Variants in ADAM20 observed in about 807,000 individuals in gnomAD.
ADAM20 encodes ADAM metallopeptidase domain 20.
For synonymous variants in ADAM20, 305 were observed against 310.2 expected (o/e 0.98, Z 0.18); for missense variants, 871 against 883.2 (o/e 0.99, Z 0.18).
At chr14:70,557,571 T>C in the ADAM20 span, 4 of 152,192 alleles carry the variant, frequency 2.6e-5, no homozygotes, top group East Asian at 1.9e-4. Context: ...AAATAGGAAA[T>C]AGAAGTATTA....
At chr14:70,569,790 T>C in the ADAM20 span, among the ~76,000 whole-genome samples, 1 of 144,466 alleles carries the variant, frequency 6.9e-6, no homozygotes, top group African/African-American at 2.6e-5. Context: ...AAACAAATAC[T>C]AGTAGACTTC....
rs1311821050 is a variant in ADAM20, at chr14:70,522,405, G to C, written c.*172C>G. On this transcript the variant is annotated 3_prime_UTR_variant, in exon 2 of 2. Coordinates refer to ENST00000256389, the MANE Select transcript of ADAM20 (RefSeq NM_003814.5). ...TATTGCTTAAGACACTGTAGAGTAAGTAAGAATAGGCTAGGAATCCTTTGC... is the reference window on the plus strand; with the variant it reads ...TATTGCTTAAGACACTGTAGAGTAACTAAGAATAGGCTAGGAATCCTTTGC... 1.5e-6 allele frequency: 1 copy of C among 686,322 alleles called. No homozygotes were observed. The highest frequency in any genetic ancestry group is 2.4e-6 in the Non-Finnish European group (1 of 422,862). The allele number at this position is 686,322 out of a possible 1,614,324, so 42.5% of individuals were successfully genotyped here.
At chr14:70,562,078 C>T in the ADAM20 span, among the ~76,000 whole-genome samples, 11 of 152,224 alleles carry the variant, frequency 7.2e-5, no homozygotes, top group East Asian at 1.9e-4. Flanking sequence ...AAGACAGAGG[C>T]GCCCAATGCC....
At chr14:70,567,826 G>A in the ADAM20 span, among the ~76,000 whole-genome samples, 1 of 152,134 alleles carries the variant, frequency 6.6e-6, no homozygotes, top group African/African-American at 2.4e-5. Context: ...TATGAACTAA[G>A]GTCGTGAGCT....
chr14:70,567,315 C>T, the ADAM20 span, among the ~76,000 whole-genome samples: 1,410 of 152,312 alleles, frequency 9.3e-3, 25 homozygotes, highest in African/African-American at 0.032. Flanking sequence ...GCACAGGAGA[C>T]TGATGGGCCC....
At chr14:70,548,884 A>G in the ADAM20 span, among the ~76,000 whole-genome samples, 1 of 112,346 alleles carries the variant, frequency 8.9e-6, no homozygotes, top group African/African-American at 3.6e-5. Context: ...GAAGGAAAAA[A>G]TGTTAAGGGC....
the ADAM20 span, among the ~76,000 whole-genome samples, chr14:70,565,687 C>T: frequency 6.6e-6 from 1 of 151,956 alleles, no homozygotes; most frequent in Non-Finnish European, 1.5e-5. Flanking sequence ...AACAATCTAA[C>T]AATTAAAAAT....
the ADAM20 span, chr14:70,547,475 G>C: frequency 7.3e-6 from 1 of 137,572 alleles, no homozygotes; most frequent in Admixed American, 7.3e-5. Flanking sequence ...AGCAGGGCGA[G>C]GCATTGCCTC....
At chr14:70,570,831 C>T in the ADAM20 span, among the ~76,000 whole-genome samples, 1 of 152,126 alleles carries the variant, frequency 6.6e-6, no homozygotes, top group African/African-American at 2.4e-5. Flanking sequence ...GGTCAATATA[C>T]TTTCTGAACA....
chr14:70,573,508 T>C, the ADAM20 span, among the ~76,000 whole-genome samples: 1 of 152,082 alleles, frequency 6.6e-6, no homozygotes, highest in Admixed American at 6.6e-5. Context: ...ATGGGTTCAT[T>C]AGAAGCCCAA....
the ADAM20 span, among the ~76,000 whole-genome samples, chr14:70,569,975 C>T: frequency 1.6e-4 from 24 of 149,864 alleles, no homozygotes; most frequent in East Asian, 4.8e-3. Context: ...ACAGAATATT[C>T]CACCCAAGAA....
At chr14:70,556,498 TAC>T in the ADAM20 span, 4 of 152,194 alleles carry the variant, frequency 2.6e-5, no homozygotes, top group Non-Finnish European at 5.9e-5. Context: ...GATGCACAGA[TAC>T]AGATAACCAA....
At chr14:70,564,736 ATTTTTTT>A in the ADAM20 span, among the ~76,000 whole-genome samples, 3 of 91,870 alleles carry the variant, frequency 3.3e-5, no homozygotes, top group African/African-American at 1.2e-4. Flanking sequence ...GATAGACGCA[ATTTTTTT>A]TTTTTTTTTT....
upstream of ADAM20, among the ~76,000 whole-genome samples, chr14:70,537,714 T>C (rs1293355846): frequency 6.6e-6 from 1 of 152,150 alleles, no homozygotes; most frequent in African/African-American, 2.4e-5. Flanking sequence ...CCTCATCCTC[T>C]CCACTGGGCT....
the ADAM20 span, among the ~76,000 whole-genome samples, chr14:70,546,912 G>C: frequency 6.6e-6 from 1 of 152,056 alleles, no homozygotes; most frequent in Non-Finnish European, 1.5e-5. Context: ...ACAACAAAAA[G>C]CTGGTTTTTT....
At chr14:70,560,058 T>C in the ADAM20 span, among the ~76,000 whole-genome samples, 3 of 152,192 alleles carry the variant, frequency 2.0e-5, no homozygotes, top group South Asian at 2.1e-4. Flanking sequence ...TCTCAAAATA[T>C]GTTTTCATCC....
intron 1 of ADAM20, among the ~76,000 whole-genome samples, chr14:70,528,199 C>T (rs996062638): frequency 2.2e-4 from 34 of 152,058 alleles, no homozygotes; most frequent in African/African-American, 8.2e-4. Flanking sequence ...TTATGTTAAA[C>T]CTGCATAAAA....
the ADAM20 span, among the ~76,000 whole-genome samples, chr14:70,558,202 T>C: frequency 1.3e-5 from 2 of 152,058 alleles, no homozygotes; most frequent in Non-Finnish European, 2.9e-5. Context: ...GATAACAAAA[T>C]AGCCATAAAG....
the ADAM20 span, among the ~76,000 whole-genome samples, chr14:70,563,573 G>GTAAT: frequency 6.6e-6 from 1 of 152,316 alleles, no homozygotes; most frequent in Admixed American, 6.5e-5. Flanking sequence ...ATGTTGAAAT[G>GTAAT]TAATCCCCAG....
Sources: gnomAD v4.1 joint callset for allele counts (sites outside exome capture counted in the v4.1 genomes callset) on GRCh38, gnomAD v4.1.1 for gene constraint, MANE v1.5 for transcripts, NCBI Gene and HGNC (gene_info 2026-07-23, HGNC 2026-07-21) for gene names.